GPHN: variants seen among roughly 807,000 people sequenced by gnomAD.
GPHN encodes the protein gephyrin.
GPHN carries 17 observed loss-of-function variants against 95.5 expected under a neutral mutation model. The observed-to-expected ratio is 0.18, with a 90% CI of 0.12 to 0.27. The LOEUF (loss-of-function observed/expected upper bound fraction) is 0.27, where lower values mean the gene tolerates loss of function less well. GPHN is among the 10% of genes least tolerant of loss of function. The pLI is 1.00. For synonymous variants in GPHN, 320 were observed against 322.5 expected, an observed-to-expected ratio of 0.99 and a Z score of 0.08; for missense variants, 660 against 978.1, an observed-to-expected ratio of 0.67 and a Z score of 4.34.
At chr14:66,641,065 C>T (rs7152511) in intron 1 of GPHN, among the ~76,000 whole-genome samples, 24,460 of 152,010 alleles carry the variant, frequency 0.16, 3,792 homozygotes, top group East Asian at 0.45. Flanking sequence ...GATACACTGT[C>T]CTAACACTGA....
At chr14:66,523,641 G>A (rs570311172) in intron 1 of GPHN, among the ~76,000 whole-genome samples, 4 of 152,074 alleles carry the variant, frequency 2.6e-5, no homozygotes, top group South Asian at 4.1e-4. Context: ...TTTTTCATCT[G>A]TCAAATGGAA....
intron 3 of GPHN, among the ~76,000 whole-genome samples, chr14:66,803,226 C>T (rs2060422870): frequency 6.6e-6 from 1 of 152,182 alleles, no homozygotes; most frequent in South Asian, 2.1e-4. Context: ...AGTTCAGTGC[C>T]TCAAAATTGC....
At chr14:66,684,933 A>G (rs1252697649) in intron 2 of GPHN, among the ~76,000 whole-genome samples, 1 of 151,964 alleles carries the variant, frequency 6.6e-6, no homozygotes, top group Non-Finnish European at 1.5e-5. Flanking sequence ...CCAGTGTGTG[A>G]TGTTCCCTTC....
chr14:67,114,341 TACTTACATGCTTTGTGCAA>T (rs2078551401), intron 16 of GPHN, among the ~76,000 whole-genome samples: 1 of 152,222 alleles, frequency 6.6e-6, no homozygotes, highest in African/African-American at 2.4e-5. Context: ...TTTTATGATA[TACTTACATGCTTTGTGCAA>T]CAAGTAAGTT....
At chr14:67,535,845 A>G in the GPHN span, among the ~76,000 whole-genome samples, 3 of 152,244 alleles carry the variant, frequency 2.0e-5, no homozygotes, top group African/African-American at 7.2e-5. Context: ...GATGTGATAT[A>G]TGAAATGGCC....
At chr14:67,506,865 T>C in the GPHN span, among the ~76,000 whole-genome samples, 1 of 152,074 alleles carries the variant, frequency 6.6e-6, no homozygotes, top group African/African-American at 2.4e-5. Flanking sequence ...GCACCTGTAG[T>C]CCCAGCTACT....
At chr14:67,620,306 C>T in the GPHN span, among the ~76,000 whole-genome samples, 1 of 151,918 alleles carries the variant, frequency 6.6e-6, no homozygotes, top group Admixed American at 6.6e-5. Context: ...GGAGGGCACC[C>T]TGTTTGGGAT....
intron 6 of GPHN, among the ~76,000 whole-genome samples, chr14:66,919,142 A>G (rs2066071397): frequency 6.6e-6 from 1 of 152,162 alleles, no homozygotes; most frequent in Non-Finnish European, 1.5e-5. Context: ...CTTGCTGTAC[A>G]ATGTTACCTA....
intron 2 of GPHN, among the ~76,000 whole-genome samples, chr14:66,730,020 C>T (rs1016842230): frequency 6.6e-6 from 1 of 152,202 alleles, no homozygotes; most frequent in Non-Finnish European, 1.5e-5. Flanking sequence ...TAGCCATATG[C>T]TTTGTCTACT....
At chr14:66,635,465 T>C (rs913899281) in intron 1 of GPHN, among the ~76,000 whole-genome samples, 7 of 152,196 alleles carry the variant, frequency 4.6e-5, no homozygotes, top group South Asian at 2.1e-4. Context: ...TTATTAAGTG[T>C]ATTCAAACTT....
the GPHN span, among the ~76,000 whole-genome samples, chr14:67,214,151 C>T: frequency 6.6e-6 from 1 of 152,166 alleles, no homozygotes; most frequent in African/African-American, 2.4e-5. Context: ...TTTTGCTGTG[C>T]AGAAGCTCTT....
chr14:66,728,054 A>G (rs962008900), intron 2 of GPHN, among the ~76,000 whole-genome samples: 6 of 152,124 alleles, frequency 3.9e-5, no homozygotes, highest in East Asian at 1.9e-4. Flanking sequence ...CACTTTAGCC[A>G]TGGCTAACAG....
intron 13 of GPHN, among the ~76,000 whole-genome samples, chr14:67,103,053 G>A (rs751340474): frequency 3.3e-5 from 5 of 152,038 alleles, no homozygotes; most frequent in African/African-American, 4.8e-5. Context: ...GTTTTTTTGA[G>A]GGGAGGGAGG....
intron 1 of GPHN, among the ~76,000 whole-genome samples, chr14:66,530,980 G>T (rs1327297271): frequency 7.6e-6 from 1 of 131,546 alleles, no homozygotes; most frequent in Non-Finnish European, 1.5e-5. Flanking sequence ...TTTTGATACG[G>T]AGTCTCTCTC....
chr14:66,825,776 G>A lies in GPHN; in HGVS notation c.294+1210G>A, dbSNP rs185838539. ...CTTTTAAAGCAATCAAAATCGAGTC[G>A]TATTGAGAGGTTAACTTCAACTGCA... On this transcript the variant is annotated intron_variant, in intron 4 of 22. Coordinates refer to ENST00000478722, the MANE Select transcript of GPHN (RefSeq NM_020806.5). Among the ~76,000 whole-genome samples the A allele has an allele frequency of 3.4e-3, 521 of 152,166 alleles. 2 individuals are homozygous for A. Among genetic ancestry groups the A allele is most frequent in the African/African-American group, 0.012 (496 of 41,526 alleles).
the GPHN span, chr14:67,340,604 T>C: frequency 8.7e-7 from 1 of 1,148,382 alleles, no homozygotes; most frequent in Non-Finnish European, 1.3e-6. Flanking sequence ...ACAGTTATTT[T>C]TTCCTAATTG....
chr14:67,248,189 A>G, the GPHN span, among the ~76,000 whole-genome samples: 1 of 152,166 alleles, frequency 6.6e-6, no homozygotes, highest in East Asian at 1.9e-4. Context: ...TTAAACAAAA[A>G]TCATTTTGGA....
chr14:66,729,989 A>G (rs1419036215), intron 2 of GPHN, among the ~76,000 whole-genome samples: 1 of 152,230 alleles, frequency 6.6e-6, no homozygotes, highest in Non-Finnish European at 1.5e-5. Context: ...ATCAATGCCT[A>G]CCAGGCAGTG....
the GPHN span, among the ~76,000 whole-genome samples, chr14:67,369,361 A>T: frequency 1.3e-5 from 2 of 152,254 alleles, no homozygotes; most frequent in Non-Finnish European, 2.9e-5. Flanking sequence ...AGAGTTCAAA[A>T]TATAAAGCAG....
Sources: gnomAD v4.1 joint callset for allele counts (sites outside exome capture counted in the v4.1 genomes callset) on GRCh38, gnomAD v4.1.1 for gene constraint, MANE v1.5 for transcripts, NCBI Gene and HGNC (gene_info 2026-07-23, HGNC 2026-07-21) for gene names.